Variants in ATRNL1 observed in about 807,000 individuals in gnomAD.
ATRNL1 encodes attractin like 1, also known as attractin-like protein 1.
Under a neutral mutation model 182.7 loss-of-function variants are expected in ATRNL1, and 95 were observed. The ratio of observed to expected loss-of-function variants is 0.52; its 90% CI spans 0.44 to 0.62. ATRNL1 has a LOEUF of 0.62. ATRNL1 is among the 20% of genes least tolerant of loss of function. The pLI is 0.00. For missense variants in ATRNL1, 1,471 were observed against 1,679.5 expected (o/e 0.88, Z 2.17); for synonymous variants, 576 against 568.3 (o/e 1.01, Z -0.19).
intron 1 of ATRNL1, among the ~76,000 whole-genome samples, chr10:115,105,264 T>C (rs1399280330): frequency 6.6e-6 from 1 of 152,164 alleles, no homozygotes; most frequent in Non-Finnish European, 1.5e-5. Context: ...TGTGGAACTT[T>C]GAACTTCAGC....
chr10:115,324,695 G>A (rs1854778730), intron 18 of ATRNL1, among the ~76,000 whole-genome samples: 1 of 152,126 alleles, frequency 6.6e-6, no homozygotes, highest in South Asian at 2.1e-4. Context: ...TAGAGCTTGT[G>A]ATGTGTTTTA....
At chr10:115,510,491 C>T (rs1554982393) in intron 24 of ATRNL1, among the ~76,000 whole-genome samples, 1 of 151,996 alleles carries the variant, frequency 6.6e-6, no homozygotes, top group Non-Finnish European at 1.5e-5. Flanking sequence ...AAAAAGAAAA[C>T]ATGCTAAAGG....
intron 21 of ATRNL1, among the ~76,000 whole-genome samples, chr10:115,439,425 A>G (rs181994083): frequency 3.9e-5 from 6 of 152,022 alleles, no homozygotes; most frequent in East Asian, 3.9e-4. Flanking sequence ...TTTTGGCCCA[A>G]TAGTGGAAAT....
intron 26 of ATRNL1, among the ~76,000 whole-genome samples, chr10:115,689,728 T>G (rs1555047474): frequency 6.6e-6 from 1 of 152,150 alleles, no homozygotes; most frequent in Non-Finnish European, 1.5e-5. Context: ...GTGGCTGTAG[T>G]CAGAGATCAC....
In ATRNL1 at chr10:115,625,661, G is replaced by A. The variant is rs1858049272; in HGVS notation, c.3795+76125G>A. Among the ~76,000 whole-genome samples the A allele has an allele frequency of 2.6e-5, 4 of 152,056 alleles. No homozygotes were observed. In the South Asian group the frequency reaches 8.3e-4, roughly 32 times the overall value. ...CAGAAAAATGAGGGTTCAAAGAAAG[G>A]AAACTTCACACATTCAGTCCCTGAG... On this transcript the variant is annotated intron_variant, in intron 26 of 28. Coordinates refer to ENST00000355044, the MANE Select transcript of ATRNL1 (RefSeq NM_207303.4).
intron 28 of ATRNL1, among the ~76,000 whole-genome samples, chr10:115,876,287 A>G (rs17093700): frequency 0.2 from 30,935 of 152,112 alleles, 3,258 homozygotes; most frequent in African/African-American, 0.22. Flanking sequence ...GGCTAATACT[A>G]CTTATCTCTT....
chr10:115,200,580 G>C (rs1189686019), intron 8 of ATRNL1, among the ~76,000 whole-genome samples: 2 of 144,096 alleles, frequency 1.4e-5, no homozygotes, highest in Non-Finnish European at 3.1e-5. Flanking sequence ...TGGCTGCATA[G>C]TATTCCATGG....
chr10:115,187,214 TA>T (rs1847976902), intron 8 of ATRNL1, among the ~76,000 whole-genome samples: 1 of 151,718 alleles, frequency 6.6e-6, no homozygotes, highest in Admixed American at 6.6e-5. Context: ...GCAGAGTAGG[TA>T]TGACCCCACA....
At chr10:115,146,952 T>G (rs1403075672) in intron 5 of ATRNL1, among the ~76,000 whole-genome samples, 1 of 152,250 alleles carries the variant, frequency 6.6e-6, no homozygotes. Flanking sequence ...CAGGTATCTC[T>G]CTGTTACAGT....
intron 24 of ATRNL1, among the ~76,000 whole-genome samples, chr10:115,500,695 C>A (rs1227712001): frequency 6.6e-6 from 1 of 151,868 alleles, no homozygotes; most frequent in Non-Finnish European, 1.5e-5. Context: ...GCATGTGCCA[C>A]CACGCCTGGC....
At chr10:115,504,471 T>A (rs1850007527) in intron 24 of ATRNL1, among the ~76,000 whole-genome samples, 1 of 152,088 alleles carries the variant, frequency 6.6e-6, no homozygotes, top group Non-Finnish European at 1.5e-5. Flanking sequence ...ATTTAAGATG[T>A]ATCTATTTTT....
chr10:115,251,998 T>C (rs1453520621), intron 10 of ATRNL1, among the ~76,000 whole-genome samples: 18 of 152,126 alleles, frequency 1.2e-4, no homozygotes, highest in African/African-American at 4.3e-4. Flanking sequence ...CCTGCCAACA[T>C]GTGCTGTCTA....
intron 1 of ATRNL1, among the ~76,000 whole-genome samples, chr10:115,107,778 T>C (rs537301253): frequency 6.6e-6 from 1 of 152,344 alleles, no homozygotes; most frequent in South Asian, 2.1e-4. Flanking sequence ...AAGGTTTATT[T>C]CCTATACTTT....
chr10:115,600,356 A>C (rs1292524157), intron 26 of ATRNL1, among the ~76,000 whole-genome samples: 1 of 152,182 alleles, frequency 6.6e-6, no homozygotes, highest in Non-Finnish European at 1.5e-5. Context: ...GTATAATACC[A>C]CATTTCACCT....
intron 26 of ATRNL1, among the ~76,000 whole-genome samples, chr10:115,716,335 A>G (rs1381624437): frequency 2.6e-5 from 4 of 152,198 alleles, no homozygotes; most frequent in Admixed American, 2.6e-4. Flanking sequence ...TCAAAGGAAA[A>G]AAATATCTTT....
intron 26 of ATRNL1, among the ~76,000 whole-genome samples, chr10:115,685,233 A>G (rs1946178361): frequency 6.6e-6 from 1 of 151,768 alleles, no homozygotes; most frequent in African/African-American, 2.4e-5. Flanking sequence ...ACCCTTTTGT[A>G]GCAAAATCAA....
intron 26 of ATRNL1, among the ~76,000 whole-genome samples, chr10:115,606,805 A>G (rs1011731935): frequency 5.3e-5 from 8 of 152,036 alleles, no homozygotes; most frequent in Admixed American, 5.2e-4. Flanking sequence ...CGTTTATCCA[A>G]ATGCTTTAAA....
intron 26 of ATRNL1, among the ~76,000 whole-genome samples, chr10:115,668,658 T>G (rs1336704392): frequency 1.3e-5 from 2 of 152,174 alleles, no homozygotes; most frequent in East Asian, 3.9e-4. Flanking sequence ...TCAATGTCAG[T>G]AGTGTACTAA....
chr10:115,340,542 A>G (rs1160107119), intron 19 of ATRNL1, among the ~76,000 whole-genome samples: 2 of 135,706 alleles, frequency 1.5e-5, no homozygotes, highest in Non-Finnish European at 3.0e-5. Context: ...TTGGCCTTGT[A>G]GAATGAGTTT....
Sources: allele counts gnomAD v4.1 joint callset (sites outside exome capture counted in the v4.1 genomes callset), GRCh38; gene constraint gnomAD v4.1.1; transcripts MANE v1.5; gene names NCBI Gene and HGNC (gene_info 2026-07-23, HGNC 2026-07-21).